The following MAF variants were observed in gnomAD, a reference collection of about 807,000 sequenced individuals.
MAF encodes the protein MAF bZIP transcription factor.
Under a neutral mutation model 22.0 loss-of-function variants are expected in MAF, and 10 were observed. The ratio of observed to expected loss-of-function variants is 0.45; its 90% CI spans 0.28 to 0.77. MAF has a LOEUF of 0.77. MAF is among the 30% of genes least tolerant of loss of function. The pLI is 0.12. For synonymous variants in MAF, 337 were observed against 255.8 expected, an observed-to-expected ratio of 1.32 and a Z score of -3.03; for missense variants, 544 against 548.4, an observed-to-expected ratio of 0.99 and a Z score of 0.08.
chr16:79,564,607 G>A, the MAF span, among the ~76,000 whole-genome samples: 34 of 152,142 alleles, frequency 2.2e-4, no homozygotes, highest in Non-Finnish European at 3.5e-4. Context: ...GACAACTCTC[G>A]GGGCATGGAG....
chr16:79,420,308 G>C, the MAF span, among the ~76,000 whole-genome samples: 12 of 152,200 alleles, frequency 7.9e-5, no homozygotes, highest in Non-Finnish European at 2.9e-5. Context: ...ACGTGGGACA[G>C]GGCACCCACT....
the MAF span, among the ~76,000 whole-genome samples, chr16:79,207,438 C>G: frequency 5.9e-5 from 9 of 152,352 alleles, no homozygotes; most frequent in Non-Finnish European, 1.2e-4. Flanking sequence ...CTTCCCTGCT[C>G]TTGGTGTTCC....
At chr16:79,403,606 C>T in the MAF span, among the ~76,000 whole-genome samples, 1 of 152,206 alleles carries the variant, frequency 6.6e-6, no homozygotes, top group Non-Finnish European at 1.5e-5. Context: ...TGCCAGGGGC[C>T]TTGCCTGACC....
At chr16:79,276,863 G>A in the MAF span, among the ~76,000 whole-genome samples, 5 of 152,164 alleles carry the variant, frequency 3.3e-5, no homozygotes, top group Admixed American at 6.5e-5. Flanking sequence ...GCAGGGCTGC[G>A]CTTCCTTTCA....
chr16:79,331,370 G>C, the MAF span, among the ~76,000 whole-genome samples: 19 of 152,180 alleles, frequency 1.2e-4, no homozygotes, highest in African/African-American at 4.3e-4. Context: ...GCCCCGCTTA[G>C]GGCATCAGAG....
At chr16:79,208,609 T>G in the MAF span, among the ~76,000 whole-genome samples, 4 of 148,584 alleles carry the variant, frequency 2.7e-5, no homozygotes, top group South Asian at 8.5e-4. Context: ...AGTCATCTGA[T>G]GGTGATTAAA....
At chr16:79,428,441 C>A in the MAF span, among the ~76,000 whole-genome samples, 3 of 152,210 alleles carry the variant, frequency 2.0e-5, no homozygotes, top group Admixed American at 2.0e-4. Context: ...TGTCCTGTTG[C>A]TCCCTTGGAG....
chr16:79,544,239 G>C, the MAF span, among the ~76,000 whole-genome samples: 1 of 152,116 alleles, frequency 6.6e-6, no homozygotes, highest in Non-Finnish European at 1.5e-5. Context: ...TGGCTATTTA[G>C]ATTTAAATTA....
chr16:79,471,584 G>C, the MAF span, among the ~76,000 whole-genome samples: 1 of 152,226 alleles, frequency 6.6e-6, no homozygotes, highest in Non-Finnish European at 1.5e-5. Context: ...GGCTGAGGTA[G>C]GAGGATGGCT....
the MAF span, among the ~76,000 whole-genome samples, chr16:79,547,702 A>T: frequency 6.6e-6 from 1 of 152,312 alleles, no homozygotes; most frequent in Non-Finnish European, 1.5e-5. Flanking sequence ...AAGTCTTTAA[A>T]GGCCTGTGTC....
the MAF span, among the ~76,000 whole-genome samples, chr16:79,502,307 T>C: frequency 2.6e-5 from 4 of 152,250 alleles, no homozygotes; most frequent in East Asian, 7.7e-4. Flanking sequence ...ACAAGTAGCC[T>C]GAAAACTTTT....
the MAF span, among the ~76,000 whole-genome samples, chr16:79,512,525 G>A: frequency 1.3e-5 from 2 of 152,030 alleles, no homozygotes; most frequent in African/African-American, 2.4e-5. Context: ...GAGAAATGGC[G>A]GCTCCACCTG....
chr16:79,554,279 G>A, the MAF span, among the ~76,000 whole-genome samples: 1 of 152,134 alleles, frequency 6.6e-6, no homozygotes, highest in African/African-American at 2.4e-5. Context: ...TTACAGATGA[G>A]GAAACTGAGG....
chr16:79,374,589 T>C, the MAF span, among the ~76,000 whole-genome samples: 9 of 152,298 alleles, frequency 5.9e-5, no homozygotes, highest in Admixed American at 4.6e-4. Flanking sequence ...GATTTATTGA[T>C]GATGCTATTA....
At chr16:79,481,079 T>C in the MAF span, among the ~76,000 whole-genome samples, 3 of 152,326 alleles carry the variant, frequency 2.0e-5, no homozygotes, top group African/African-American at 7.2e-5. Flanking sequence ...ACCACCAGAA[T>C]GTAAGCTCCA....
chr16:79,393,904 C>T, the MAF span, among the ~76,000 whole-genome samples: 1 of 152,192 alleles, frequency 6.6e-6, no homozygotes, highest in Non-Finnish European at 1.5e-5. Context: ...TTAACAATAG[C>T]AGCCAAGTTG....
At chr16:79,437,883 C>T in the MAF span, among the ~76,000 whole-genome samples, 3 of 152,054 alleles carry the variant, frequency 2.0e-5, no homozygotes, top group African/African-American at 7.2e-5. Context: ...ATTCCCCTTT[C>T]ACCTAGAGTG....
intron 1 of MAF, chr16:79,596,764 T>C: frequency 9.6e-7 from 1 of 1,046,090 alleles, no homozygotes; most frequent in Non-Finnish European, 1.2e-6. Context: ...TTTTTTAAGT[T>C]ACAGAAAATC....
the MAF span, among the ~76,000 whole-genome samples, chr16:79,241,402 G>C: frequency 6.6e-6 from 1 of 152,012 alleles, no homozygotes; most frequent in Non-Finnish European, 1.5e-5. Context: ...GCATACACAA[G>C]TATCAATAGC....
Sources: gnomAD v4.1 joint callset for allele counts (sites outside exome capture counted in the v4.1 genomes callset) on GRCh38, gnomAD v4.1.1 for gene constraint, MANE v1.5 for transcripts, NCBI Gene and HGNC (gene_info 2026-07-23, HGNC 2026-07-21) for gene names.